The following ARL15 variants were observed in gnomAD, a reference collection of about 807,000 sequenced individuals.
ARL15 encodes ARF like GTPase 15.
ARL15 carries 19 observed loss-of-function variants against 25.2 expected under a neutral mutation model. The observed-to-expected ratio is 0.75, with a 90% confidence interval of 0.53 to 1.10. ARL15 has a LOEUF of 1.10. Among genes scored for constraint, ARL15 ranks in the 50% least tolerant of loss-of-function variants. The pLI, the probability that ARL15 is intolerant of heterozygous loss-of-function variation, is 0.00. For synonymous variants in ARL15, 94 were observed against 86.8 expected (o/e 1.08, Z -0.46); for missense variants, 220 against 246.0 (o/e 0.89, Z 0.71).
intron 4 of ARL15, among the ~76,000 whole-genome samples, chr5:54,088,580 A>G (rs914610127): frequency 6.6e-6 from 1 of 152,204 alleles, no homozygotes; most frequent in Non-Finnish European, 1.5e-5. Context: ...CCCATTCTCA[A>G]TGTGAAAAGT....
chr5:54,210,018 G>A (rs2112504483), intron 1 of ARL15, among the ~76,000 whole-genome samples: 1 of 152,262 alleles, frequency 6.6e-6, no homozygotes, highest in Non-Finnish European at 1.5e-5. Flanking sequence ...TGAATAAATG[G>A]TAGAAATAAC....
intron 2 of ARL15, among the ~76,000 whole-genome samples, chr5:54,163,517 T>A (rs993903419): frequency 1.3e-5 from 2 of 151,526 alleles, no homozygotes; most frequent in Non-Finnish European, 2.9e-5. Context: ...CCTTAAAATG[T>A]TTGGTAGGAT....
chr5:54,209,588 C>T (rs1443938302), intron 1 of ARL15, among the ~76,000 whole-genome samples: 1 of 151,892 alleles, frequency 6.6e-6, no homozygotes, highest in Non-Finnish European at 1.5e-5. Context: ...TTTCTGTCTC[C>T]CTTATACTAT....
At chr5:54,134,481 T>C (rs1478796975) in intron 3 of ARL15, among the ~76,000 whole-genome samples, 1 of 150,570 alleles carries the variant, frequency 6.6e-6, no homozygotes, top group South Asian at 2.1e-4. Context: ...GTAACTCTAC[T>C]ATAGCAATTA....
At chr5:53,913,924 AATT>A (rs148615679) in intron 4 of ARL15, among the ~76,000 whole-genome samples, 11 of 152,300 alleles carry the variant, frequency 7.2e-5, no homozygotes, top group African/African-American at 2.6e-4. Context: ...TGTGAAGTAC[AATT>A]ATTATATGTG....
At chr5:53,980,837 G>A (rs10057171) in intron 4 of ARL15, among the ~76,000 whole-genome samples, 5,420 of 152,128 alleles carry the variant, frequency 0.036, 293 homozygotes, top group African/African-American at 0.12. Flanking sequence ...GCCCTGTAGC[G>A]AGGCATGGTG....
intron 4 of ARL15, 89 bp downstream of exon 4, chr5:54,113,113 T>G: frequency 1.6e-6 from 2 of 1,286,422 alleles, no homozygotes; most frequent in South Asian, 2.7e-5. Context: ...ACCAGCACAT[T>G]CCTAATTACA....
intron 3 of ARL15, among the ~76,000 whole-genome samples, chr5:54,123,445 C>T (rs1282209665): frequency 6.6e-6 from 1 of 152,180 alleles, no homozygotes; most frequent in Non-Finnish European, 1.5e-5. Context: ...TGTTTCTTCT[C>T]TCTGAGCTTC....
intron 4 of ARL15, among the ~76,000 whole-genome samples, chr5:53,907,194 T>C (rs1745273795): frequency 6.6e-6 from 1 of 151,964 alleles, no homozygotes; most frequent in Non-Finnish European, 1.5e-5. Flanking sequence ...TTGAAACTAT[T>C]TTCTCCATGT....
At chr5:54,069,065 C>T (rs941113341) in intron 4 of ARL15, among the ~76,000 whole-genome samples, 2 of 152,224 alleles carry the variant, frequency 1.3e-5, no homozygotes, top group African/African-American at 4.8e-5. Flanking sequence ...TTCAATGCGA[C>T]ATTCTAAAAT....
chr5:53,916,589 A>G (rs137858942), intron 4 of ARL15, among the ~76,000 whole-genome samples: 1 of 152,292 alleles, frequency 6.6e-6, no homozygotes, highest in East Asian at 1.9e-4. Context: ...AGTGCCTAGT[A>G]AGACAGGGGC....
At chr5:54,300,376 C>T (rs1758585347) in intron 1 of ARL15, among the ~76,000 whole-genome samples, 1 of 152,160 alleles carries the variant, frequency 6.6e-6, no homozygotes, top group Non-Finnish European at 1.5e-5. Context: ...AGGGGGCCAC[C>T]CTTGTCCAGC....
At chr5:53,896,384 CTT>C (rs1308188472) in intron 4 of ARL15, among the ~76,000 whole-genome samples, 1 of 151,966 alleles carries the variant, frequency 6.6e-6, no homozygotes, top group African/African-American at 2.4e-5. Context: ...GGTAAAAAGA[CTT>C]TTCATTAAGG....
chr5:54,217,203 T>C lies in ARL15; in HGVS notation c.49-45275A>G, dbSNP rs1218620305. ...ATTTTAGTAAGACAATGCTTTTCTT[T>C]TTTTTTTTTTTTAAAAAGGGAGAAA... On this transcript the variant is annotated intron_variant, in intron 1 of 4. Coordinates refer to ENST00000504924, the MANE Select transcript of ARL15 (RefSeq NM_019087.3). Among the ~76,000 whole-genome samples, 3 of 137,048 alleles carry C rather than the reference T, an allele frequency of 2.2e-5. No individual in the cohort carries two copies. The East Asian group carries it at 5.9e-4, about 27-fold the overall frequency. 89.9% of individuals were successfully genotyped at this position (137,048 alleles called of 152,430 possible). A position where few individuals can be genotyped will look rare whatever the true frequency, so the allele number is the denominator to read the frequency against.
intron 1 of ARL15, among the ~76,000 whole-genome samples, chr5:54,196,101 G>A (rs1019327610): frequency 3.9e-5 from 6 of 152,062 alleles, no homozygotes; most frequent in African/African-American, 1.4e-4. Context: ...AAATTTATCA[G>A]TCTCCATTTG....
intron 2 of ARL15, among the ~76,000 whole-genome samples, chr5:54,158,547 A>G (rs1754307682): frequency 6.6e-6 from 1 of 152,204 alleles, no homozygotes; most frequent in African/African-American, 2.4e-5. Flanking sequence ...TGCTATAACA[A>G]TCCTAAAGTT....
chr5:54,064,942 G>C (rs1353412864), intron 4 of ARL15, among the ~76,000 whole-genome samples: 1 of 150,690 alleles, frequency 6.6e-6, no homozygotes, highest in African/African-American at 2.4e-5. Flanking sequence ...GGAATGGGGT[G>C]GGGGTAGTCC....
intron 4 of ARL15, among the ~76,000 whole-genome samples, chr5:54,092,766 G>C (rs919402111): frequency 6.6e-6 from 1 of 152,156 alleles, no homozygotes; most frequent in Non-Finnish European, 1.5e-5. Flanking sequence ...AGATCTCAGA[G>C]ATAACTCCAA....
chr5:54,194,747 ATT>A (rs1391050739), intron 1 of ARL15, among the ~76,000 whole-genome samples: 1 of 152,214 alleles, frequency 6.6e-6, no homozygotes, highest in Non-Finnish European at 1.5e-5. Flanking sequence ...AAACACTAAT[ATT>A]TATAGATTAA....
Sources: allele counts gnomAD v4.1 joint callset (sites outside exome capture counted in the v4.1 genomes callset), GRCh38; gene constraint gnomAD v4.1.1; transcripts MANE v1.5; gene names NCBI Gene and HGNC (gene_info 2026-07-23, HGNC 2026-07-21).